The following PLSCR3 variants were observed in gnomAD, a reference collection of about 807,000 sequenced individuals.
PLSCR3 encodes the protein phospholipid scramblase 3.
Under a neutral mutation model 33.7 loss-of-function variants are expected in PLSCR3, and 17 were observed. The ratio of observed to expected loss-of-function variants is 0.50; its 90% confidence interval spans 0.35 to 0.76. The LOEUF (loss-of-function observed/expected upper bound fraction) is 0.76, where lower values mean the gene tolerates loss of function less well. Ranked by LOEUF, PLSCR3 falls within the 30% of genes least tolerant of loss-of-function variation. PLSCR3 has a pLI of 0.01. For missense variants in PLSCR3, 360 were observed against 394.1 expected, an observed-to-expected ratio of 0.91 and a Z score of 0.73; for synonymous variants, 166 against 166.0, an observed-to-expected ratio of 1.00 and a Z score of 0.00.
In PLSCR3 at chr17:7,390,315, G is replaced by A; in HGVS notation, c.*70C>T. On this transcript the variant is annotated 3_prime_UTR_variant, in exon 8 of 8. Transcript: ENST00000619711. Reference sequence around the variant, plus strand: ...ACATGGAGGAAAGGGGCTGCCCAGAGGAGGGGCCAGGGCAGGTGACCATCT... The same window carrying A: ...ACATGGAGGAAAGGGGCTGCCCAGAAGAGGGGCCAGGGCAGGTGACCATCT... 8.1e-7 allele frequency: 1 copy of A among 1,227,468 alleles called. No homozygotes were observed. Among genetic ancestry groups the A allele is most frequent in the Non-Finnish European group, 1.1e-6 (1 of 874,456 alleles). The allele number at this position is 1,227,468 out of a possible 1,614,324, so 76.0% of individuals were successfully genotyped here. A position where few individuals can be genotyped will look rare whatever the true frequency, so the allele number is the denominator to read the frequency against.
Position 7,393,836 on chromosome 17 carries a change from C to A in PLSCR3, c.8G>T (p.Gly3Val). The A allele has an allele frequency of 1.4e-6, 2 of 1,476,168 alleles. No homozygotes were observed. Among genetic ancestry groups the A allele is most frequent in the Non-Finnish European group, 1.8e-6 (2 of 1,102,556 alleles). The allele number at this position is 1,476,168 out of a possible 1,614,324, so 91.4% of individuals were successfully genotyped here. Residue 3 changes from glycine (G) to valine (V), a missense_variant and splice_region_variant, in exon 3 of 8, where the codon GGC (glycine) becomes GTC (valine). By Grantham distance (109) the Gly-to-Val change is moderately radical. Coordinates refer to ENST00000619711, the MANE Select transcript of PLSCR3 (RefSeq NM_020360.4). Reference sequence around the variant, plus strand: ...GGCGTAGCCTTTGGGGGGCAAGTAGCCTGTAAAGCGGTGGGAGCAGGATAG... The same window carrying A: ...GGCGTAGCCTTTGGGGGGCAAGTAGACTGTAAAGCGGTGGGAGCAGGATAG... MA[G>V]YLPPKGYAPS... is the part of the protein sequence containing the mutation.
At position 7,393,124 on chromosome 17, in the gene PLSCR3, G is replaced by A. The variant is rs1268554566; in HGVS notation, c.507+20C>T. On this transcript the variant is annotated intron_variant, in intron 5 of 7. Coordinates refer to ENST00000619711, the MANE Select transcript of PLSCR3 (RefSeq NM_020360.4). ...CCGCCCCACCAAGGCCCGCCCTCCC[G>A]GCCCCCTCCCTCCGCCCACCTCCTG... 9 of 381,262 alleles carry A rather than the reference G, an allele frequency of 2.4e-5. No individual in the cohort carries two copies. The highest frequency in any genetic ancestry group is 3.4e-5 in the Non-Finnish European group (9 of 264,648). The allele number at this position is 381,262 out of a possible 1,614,324, so 23.6% of individuals were successfully genotyped here.
Position 7,394,317 on chromosome 17 carries a change from G to A in PLSCR3, c.-157-50C>T, listed in dbSNP as rs926139458. 182 of 534,568 alleles carry A rather than the reference G, an allele frequency of 3.4e-4. 1 individual carries two copies. The highest frequency in any genetic ancestry group is 2.9e-3 in the African/African-American group (154 of 52,230). The allele number at this position is 534,568 out of a possible 1,614,324, so 33.1% of individuals were successfully genotyped here. A position where few individuals can be genotyped will look rare whatever the true frequency, so the allele number is the denominator to read the frequency against. On this transcript the variant is annotated intron_variant, in intron 1 of 7. Transcript: ENST00000619711. This position sits in a 1 kb window ranked among gnomAD's most constrained non-coding sequence, Gnocchi z 5.3. ...TCAGTGGGCGGGACCGGGTACCTGG[G>A]ACCCTGGATTCCCTCGGGGGCCCCA...
Position 7,394,243 on chromosome 17 carries a change from G to C in PLSCR3, c.-133C>G. On this transcript the variant is annotated 5_prime_UTR_variant, in exon 2 of 8. Coordinates refer to ENST00000619711, the MANE Select transcript of PLSCR3 (RefSeq NM_020360.4). This position sits in a 1 kb window ranked among gnomAD's most constrained non-coding sequence, Gnocchi z 5.3. ...GGAGAGGCAGCTGCGCCCGGCGCCG[G>C]CCCAGGGTCTCTTGGGCGGCGCCTC... 3.7e-6 allele frequency: 3 copies of C among 800,704 alleles called. No individual in the cohort carries two copies. Among genetic ancestry groups the C allele is most frequent in the Non-Finnish European group, 6.1e-6 (3 of 493,954 alleles). The allele number at this position is 800,704 out of a possible 1,614,324, so 49.6% of individuals were successfully genotyped here. A position where few individuals can be genotyped will look rare whatever the true frequency, so the allele number is the denominator to read the frequency against.
intron 5 of PLSCR3, 90 bp from the exon 6 acceptor site, chr17:7,393,042 C>T: frequency 6.6e-7 from 1 of 1,507,236 alleles, no homozygotes; most frequent in Non-Finnish European, 8.9e-7. Flanking sequence ...CCTCCCATCC[C>T]CACCTGCCCA....
Position 7,391,662 on chromosome 17 carries a change from G to A in PLSCR3, c.670-867C>T, listed in dbSNP as rs1458302411. Among the ~76,000 whole-genome samples, 2 of 152,194 alleles carry A rather than the reference G, an allele frequency of 1.3e-5. No individual in the cohort carries two copies. On this transcript the variant is annotated intron_variant, in intron 6 of 7. Transcript: ENST00000619711. This position sits in a 1 kb window ranked among gnomAD's most constrained non-coding sequence, Gnocchi z 4.1. The stretch of plus-strand genomic sequence containing the variant: ...GGACCATTTATAATTATGCAAAAGG[G>A]ACACTGGCCCTATGAGAACCCCACA...
Position 7,393,238 on chromosome 17 carries a change from C to T in PLSCR3, c.413G>A (p.Arg138His), listed in dbSNP as rs1270465331. ...GTCCCCGGGGTCGGCCAGGCGGACA[C>T]GCAGCGGCCGGCGGGCGCCACAGCA... ...RLCCGARRPL[R>H]VRLADPGDRE... The change falls in exon 5 of 8, where the codon CGT (arginine) becomes CAT (histidine). Residue 138 changes from arginine (R) to histidine (H), a missense_variant. Arg to His is a conservative substitution (Grantham distance 29, BLOSUM62 0). Coordinates refer to ENST00000619711, the MANE Select transcript of PLSCR3 (RefSeq NM_020360.4). 6 of 1,590,192 alleles carry T rather than the reference C, an allele frequency of 3.8e-6. No homozygotes were observed. Among genetic ancestry groups the T allele is most frequent in the Non-Finnish European group, 5.1e-6 (6 of 1,174,080 alleles).
Position 7,393,848 on chromosome 17 carries a change from T to C in PLSCR3, c.8-12A>G. 7.0e-7 allele frequency: 1 copy of C among 1,434,332 alleles called. No individual in the cohort carries two copies. Among genetic ancestry groups the C allele is most frequent in the Non-Finnish European group, 9.4e-7 (1 of 1,064,210 alleles). 88.9% of individuals were successfully genotyped at this position (1,434,332 alleles called of 1,614,324 possible). On this transcript the variant is annotated splice_polypyrimidine_tract_variant and intron_variant, in intron 2 of 7. Coordinates refer to ENST00000619711, the MANE Select transcript of PLSCR3 (RefSeq NM_020360.4). ...GGGGGGCAAGTAGCCTGTAAAGCGG[T>C]GGGAGCAGGATAGATTAGAAAGGGA...
chr17:7,394,242 G>C lies in PLSCR3; in HGVS notation c.-132C>G. On this transcript the variant is annotated 5_prime_UTR_variant, in exon 2 of 8. Coordinates refer to ENST00000619711, the MANE Select transcript of PLSCR3 (RefSeq NM_020360.4). This position sits in a 1 kb window ranked among gnomAD's most constrained non-coding sequence, Gnocchi z 5.3. ...CGGAGAGGCAGCTGCGCCCGGCGCCGGCCCAGGGTCTCTTGGGCGGCGCCT... is the reference window on the plus strand; with the variant it reads ...CGGAGAGGCAGCTGCGCCCGGCGCCCGCCCAGGGTCTCTTGGGCGGCGCCT... 1.2e-6 allele frequency: 1 copy of C among 818,066 alleles called. No homozygotes were observed. Among genetic ancestry groups the C allele is most frequent in the South Asian group, 1.7e-5 (1 of 57,266 alleles). The allele number at this position is 818,066 out of a possible 1,614,324, so 50.7% of individuals were successfully genotyped here. A position where few individuals can be genotyped will look rare whatever the true frequency, so the allele number is the denominator to read the frequency against.
rs1384445539 is a variant in PLSCR3 at position 7,393,226 on chromosome 17, G to A, written c.425C>T (p.Ala142Val). 6 of 1,578,714 alleles carry A rather than the reference G, an allele frequency of 3.8e-6. No individual in the cohort carries two copies. Among genetic ancestry groups the A allele is most frequent in the Non-Finnish European group, 5.1e-6 (6 of 1,169,432 alleles). Residue 142 changes from alanine to valine, a missense_variant, in exon 5 of 8, where the codon GCC becomes GTC. Ala to Val is a moderately conservative substitution (Grantham distance 64). Transcript: ENST00000619711. ...GARRPLRVRL[A>V]DPGDREVLRL... ...CAGCACCTCACGGTCCCCGGGGTCG[G>A]CCAGGCGGACACGCAGCGGCCGGCG...
At chr17:7,393,122 C>T in intron 5 of PLSCR3, 22 bp downstream of exon 5, 1 of 1,349,892 alleles carries the variant, frequency 7.4e-7, no homozygotes, top group Non-Finnish European at 9.8e-7. Context: ...GCCCGCCCTC[C>T]CGGCCCCCTC....
chr17:7,394,246 C>T lies in PLSCR3; in HGVS notation c.-136G>A, dbSNP rs986638504. On this transcript the variant is annotated 5_prime_UTR_variant, in exon 2 of 8. Transcript: ENST00000619711. This position sits in a 1 kb window ranked among gnomAD's most constrained non-coding sequence, Gnocchi z 5.3. Reference sequence around the variant, plus strand: ...GAGGCAGCTGCGCCCGGCGCCGGCCCAGGGTCTCTTGGGCGGCGCCTCTGA... The same window carrying T: ...GAGGCAGCTGCGCCCGGCGCCGGCCTAGGGTCTCTTGGGCGGCGCCTCTGA... The T allele has an allele frequency of 2.8e-5, 22 of 788,492 alleles. No individual in the cohort carries two copies. The highest frequency in any genetic ancestry group is 4.1e-5 in the Non-Finnish European group (20 of 484,010). The allele number at this position is 788,492 out of a possible 1,614,324, so 48.8% of individuals were successfully genotyped here.
In PLSCR3 at chr17:7,390,129, A is replaced by C; in HGVS notation, c.*256T>G. 2 of 421,972 alleles carry C rather than the reference A, an allele frequency of 4.7e-6. No individual in the cohort carries two copies. The highest frequency in any genetic ancestry group is 8.6e-6 in the Non-Finnish European group (2 of 233,798). The allele number at this position is 421,972 out of a possible 1,614,324, so 26.1% of individuals were successfully genotyped here. On this transcript the variant is annotated 3_prime_UTR_variant, in exon 8 of 8. Transcript: ENST00000619711. The stretch of plus-strand genomic sequence containing the variant: ...GGGGGTGGGAGAGAGTGCATGGGGA[A>C]AGTGTGAAAGCTGATATGCCTGTGT...
rs749397960 is a variant in PLSCR3 at position 7,390,688 on chromosome 17, C to T, written c.777G>A (p.Pro259=). Reference sequence around the variant, plus strand: ...CCTTCACCCTCACATCCAGGTCCAGCGGGAACTGTAGGCCAAAGTCATCTG... The same window carrying T: ...CCTTCACCCTCACATCCAGGTCCAGTGGGAACTGTAGGCCAAAGTCATCTG... ...TDADDFGLQF[P]LDLDVRVKAV... The change falls in exon 7 of 8, where the codon CCG becomes CCA. Residue 259 remains proline, a synonymous_variant. Coordinates refer to ENST00000619711, the MANE Select transcript of PLSCR3 (RefSeq NM_020360.4). 62 of 1,614,066 alleles carry T rather than the reference C, an allele frequency of 3.8e-5. No individual in the cohort carries two copies. The highest frequency in any genetic ancestry group is 1.3e-4 in the Admixed American group (8 of 60,010).
intron 4 of PLSCR3, 39 bp from the exon 5 acceptor site, chr17:7,393,403 G>A (rs1262401550): frequency 3.1e-6 from 5 of 1,611,650 alleles, no homozygotes; most frequent in Non-Finnish European, 4.2e-6. Context: ...AGAGCCTCGC[G>A]CGCCCAGGAG....
In PLSCR3 at chr17:7,390,217, C is replaced by A; in HGVS notation, c.*168G>T. ...GAGAGCGGCTCTCATACATACCCCTCCTTGGGAACCACAGGGGCAGGCGGC... is the reference window on the plus strand; with the variant it reads ...GAGAGCGGCTCTCATACATACCCCTACTTGGGAACCACAGGGGCAGGCGGC... On this transcript the variant is annotated 3_prime_UTR_variant, in exon 8 of 8. Transcript: ENST00000619711. 1 of 569,472 alleles carries A rather than the reference C, an allele frequency of 1.8e-6. No individual in the cohort carries two copies. The highest frequency in any genetic ancestry group is 3.1e-6 in the Non-Finnish European group (1 of 319,764). 35.3% of individuals were successfully genotyped at this position (569,472 alleles called of 1,614,324 possible).
Position 7,394,111 on chromosome 17 carries a change from G to A in PLSCR3, c.-1C>T, listed in dbSNP as rs1466101391. The A allele has an allele frequency of 1.9e-6, 3 of 1,613,340 alleles. No homozygotes were observed. The highest frequency in any genetic ancestry group is 2.7e-5 in the African/African-American group (2 of 74,914). ...AGACTTGCGCGCACTTACCTGCCAT[G>A]GGAGAAGGGCTGGGGTTTTCGAGAT... On this transcript the variant is annotated 5_prime_UTR_variant, in exon 2 of 8. Coordinates refer to ENST00000619711, the MANE Select transcript of PLSCR3 (RefSeq NM_020360.4). The surrounding 1 kb of genome is among the most constrained non-coding windows in gnomAD (Gnocchi z 5.3).
In PLSCR3 at chr17:7,394,178, T is replaced by C. The variant is rs1026890088; in HGVS notation, c.-68A>G. 1.4e-6 allele frequency: 2 copies of C among 1,466,198 alleles called. No homozygotes were observed. Among genetic ancestry groups the C allele is most frequent in the Non-Finnish European group, 1.9e-6 (2 of 1,048,296 alleles). The allele number at this position is 1,466,198 out of a possible 1,614,324, so 90.8% of individuals were successfully genotyped here. ...CTTAGTTCTGGAAGCGGAGGCAAAC[T>C]CGGAGATAGCCAGACAGACACAGAG... On this transcript the variant is annotated 5_prime_UTR_variant, in exon 2 of 8. Transcript: ENST00000619711. The surrounding 1 kb of genome is among the most constrained non-coding windows in gnomAD (Gnocchi z 5.3).
rs1392039489 is a variant in PLSCR3 at position 7,393,770 on chromosome 17, G to A, written c.74C>T (p.Pro25Leu). 5 of 1,506,858 alleles carry A rather than the reference G, an allele frequency of 3.3e-6. No individual in the cohort carries two copies. The highest frequency in any genetic ancestry group is 2.5e-5 in the South Asian group (2 of 79,820). The allele number at this position is 1,506,858 out of a possible 1,614,324, so 93.3% of individuals were successfully genotyped here. Residue 25 changes from proline (P) to leucine (L), a missense_variant, in exon 3 of 8, where the codon CCG (proline) becomes CTG (leucine). Pro to Leu is a moderately conservative substitution (Grantham distance 98). Coordinates refer to ENST00000619711, the MANE Select transcript of PLSCR3 (RefSeq NM_020360.4). ...GGGCCCAGGATGTAGCGCCGGCTCCGGGTACCCAGGGGTGACAGGGTAGGG... is the reference window on the plus strand; with the variant it reads ...GGGCCCAGGATGTAGCGCCGGCTCCAGGTACCCAGGGGTGACAGGGTAGGG... ...PPPYPVTPGY[P>L]EPALHPGPGQ... is the part of the protein sequence containing the mutation.
Sources: gnomAD v4.1 joint callset for allele counts (sites outside exome capture counted in the v4.1 genomes callset) on GRCh38, gnomAD v4.1.1 for gene constraint, Gnocchi (gnomAD v3.1) non-coding constraint, MANE v1.5 for transcripts, NCBI Gene and HGNC (gene_info 2026-07-23, HGNC 2026-07-21) for gene names.